MPPED2: variants seen among roughly 807,000 people sequenced by gnomAD.
The protein encoded by MPPED2 is metallophosphoesterase domain containing 2.
A neutral mutation model predicts 33.0 loss-of-function variants in MPPED2; 5 were observed. The observed-to-expected ratio is 0.15, with a 90% CI of 0.08 to 0.32. MPPED2 has a LOEUF of 0.32. MPPED2 is among the 10% of genes least tolerant of loss of function. The probability of loss-of-function intolerance (pLI) is 1.00; values close to 1 mark genes in which losing one functional copy is unlikely to be tolerated. For synonymous variants in MPPED2, 136 were observed against 141.9 expected (o/e 0.96, Z 0.29); for missense variants, 275 against 372.1 (o/e 0.74, Z 2.15).
intron 4 of MPPED2, among the ~76,000 whole-genome samples, chr11:30,478,201 TTTTA>T (rs1253644815): frequency 3.9e-5 from 6 of 152,130 alleles, no homozygotes; most frequent in Middle Eastern, 3.2e-3. Context: ...TGGGTAGTTA[TTTTA>T]TTTGTTATTT....
At chr11:30,388,975 AAGAG>A (rs1261647507) in intron 6 of MPPED2, 1 of 1,551,072 alleles carries the variant, frequency 6.4e-7, no homozygotes, top group Non-Finnish European at 8.7e-7. Flanking sequence ...GAGAGAGAGA[AAGAG>A]AGAGGGAGAG....
At chr11:30,553,062 C>A (rs1037072740) in intron 2 of MPPED2, among the ~76,000 whole-genome samples, 9 of 152,112 alleles carry the variant, frequency 5.9e-5, no homozygotes, top group African/African-American at 2.2e-4. Flanking sequence ...ACAAACACCT[C>A]CCACCCACCT....
exon 7 of MPPED2, chr11:30,388,230 GGC>G (rs1194438009): frequency 6.6e-6 from 1 of 152,364 alleles, no homozygotes; most frequent in East Asian, 1.9e-4. Flanking sequence ...AAGCTTTGGT[GGC>G]GACGCTCCAT....
intron 2 of MPPED2, among the ~76,000 whole-genome samples, chr11:30,571,845 T>G (rs1956708434): frequency 6.6e-6 from 1 of 152,184 alleles, no homozygotes; most frequent in African/African-American, 2.4e-5. Context: ...AAGCTTAGAA[T>G]TAAAATCGAG....
intron 3 of MPPED2, among the ~76,000 whole-genome samples, chr11:30,509,277 A>G (rs185326343): frequency 4.0e-4 from 61 of 152,342 alleles, no homozygotes; most frequent in Admixed American, 7.2e-4. Flanking sequence ...TAAATGGATG[A>G]ATAAATGAAT....
intron 4 of MPPED2, among the ~76,000 whole-genome samples, chr11:30,458,442 A>G (rs1950374421): frequency 6.6e-6 from 1 of 152,222 alleles, no homozygotes; most frequent in South Asian, 2.1e-4. Flanking sequence ...TTGAAATCCA[A>G]CAGATAATGA....
chr11:30,418,955 T>C (rs1948492764), intron 4 of MPPED2, among the ~76,000 whole-genome samples: 4 of 152,270 alleles, frequency 2.6e-5, no homozygotes, highest in Middle Eastern at 3.4e-3. Context: ...CACGCTGATA[T>C]GGTGGAGAAA....
chr11:30,432,209 C>T (rs535139345), intron 4 of MPPED2, among the ~76,000 whole-genome samples: 1 of 151,758 alleles, frequency 6.6e-6, no homozygotes, highest in East Asian at 1.9e-4. Context: ...CTCCAGGTAA[C>T]CTCTCATAGT....
chr11:30,580,466 G>A lies in MPPED2; in HGVS notation c.-93C>T. 6.5e-7 allele frequency: 1 copy of A among 1,535,416 alleles called. No individual in the cohort carries two copies. Among genetic ancestry groups the A allele is most frequent in the African/African-American group, 1.4e-5 (1 of 72,534 alleles). On this transcript the variant is annotated 5_prime_UTR_variant, in exon 2 of 7. Transcript: ENST00000358117. ...GTTTCAGCCAACCTCTGAATCCAAGGATCTACTCATCAATACCGCTGTGCA... is the reference window on the plus strand; with the variant it reads ...GTTTCAGCCAACCTCTGAATCCAAGAATCTACTCATCAATACCGCTGTGCA...
intron 4 of MPPED2, among the ~76,000 whole-genome samples, chr11:30,474,964 G>T (rs996592958): frequency 1.3e-5 from 2 of 152,160 alleles, no homozygotes; most frequent in Admixed American, 1.3e-4. Context: ...GAATGTTGCT[G>T]ATACAAACTG....
chr11:30,409,068 G>A (rs1183124632), downstream of MPPED2, among the ~76,000 whole-genome samples: 2 of 152,198 alleles, frequency 1.3e-5, no homozygotes, highest in Non-Finnish European at 2.9e-5. Flanking sequence ...AAAATGGAAA[G>A]CAATTTTAGT....
At chr11:30,510,775 C>A (rs1308565976) in intron 3 of MPPED2, among the ~76,000 whole-genome samples, 1 of 152,178 alleles carries the variant, frequency 6.6e-6, no homozygotes, top group Non-Finnish European at 1.5e-5. Context: ...ATTAGATACA[C>A]TGGTTTAAAA....
intron 4 of MPPED2, among the ~76,000 whole-genome samples, chr11:30,423,545 G>T (rs755635055): frequency 6.6e-6 from 1 of 152,138 alleles, no homozygotes; most frequent in Non-Finnish European, 1.5e-5. Flanking sequence ...GCACCTGCAG[G>T]CTCTTTAAAA....
intron 5 of MPPED2, among the ~76,000 whole-genome samples, chr11:30,417,117 G>T (rs1024730680): frequency 2.0e-5 from 3 of 152,106 alleles, no homozygotes; most frequent in African/African-American, 7.2e-5. Context: ...AGGAAAATGA[G>T]CTCCTTTGAA....
chr11:30,409,915 A>G (rs564095358), downstream of MPPED2, among the ~76,000 whole-genome samples: 2 of 152,252 alleles, frequency 1.3e-5, no homozygotes, highest in African/African-American at 2.4e-5. Context: ...ACTATCACAA[A>G]CTTGCCCAAA....
intron 2 of MPPED2, among the ~76,000 whole-genome samples, chr11:30,544,848 G>C (rs987842178): frequency 6.6e-6 from 1 of 152,158 alleles, no homozygotes; most frequent in African/African-American, 2.4e-5. Flanking sequence ...ACGAGACAAA[G>C]GATTGGCACT....
chr11:30,419,658 C>A (rs562970181), intron 4 of MPPED2, among the ~76,000 whole-genome samples: 2 of 152,114 alleles, frequency 1.3e-5, no homozygotes, highest in Non-Finnish European at 2.9e-5. Context: ...TAGGGATGTA[C>A]ATATGACCCA....
chr11:30,501,568 A>C (rs1281684211), intron 3 of MPPED2: 6 of 941,666 alleles, frequency 6.4e-6, no homozygotes, highest in Middle Eastern at 1.1e-3. Context: ...AATACCAAAA[A>C]ATGTGCCGAG....
At chr11:30,578,779 T>A (rs1818668516) in intron 2 of MPPED2, among the ~76,000 whole-genome samples, 1 of 152,118 alleles carries the variant, frequency 6.6e-6, no homozygotes, top group Non-Finnish European at 1.5e-5. Context: ...TGTAACATAT[T>A]TGAAGAAAAA....
Sources: gnomAD v4.1 joint callset for allele counts (sites outside exome capture counted in the v4.1 genomes callset) on GRCh38, gnomAD v4.1.1 for gene constraint, MANE v1.5 for transcripts, NCBI Gene and HGNC (gene_info 2026-07-23, HGNC 2026-07-21) for gene names.